The following PRKCG variants were observed in gnomAD, a reference collection of about 807,000 sequenced individuals.
The protein encoded by PRKCG is protein kinase C gamma.
A neutral mutation model predicts 82.0 loss-of-function variants in PRKCG; 28 were observed. That is an observed-to-expected ratio of 0.34 (90% CI 0.25 to 0.47). The LOEUF (loss-of-function observed/expected upper bound fraction) is 0.47. Ranked by LOEUF, PRKCG falls within the 20% of genes least tolerant of loss-of-function variation. The probability of loss-of-function intolerance (pLI) is 1.00; values close to 1 mark genes in which losing one functional copy is unlikely to be tolerated. For missense variants in PRKCG, 640 were observed against 952.7 expected (o/e 0.67, Z 4.32); for synonymous variants, 383 against 376.6 (o/e 1.02, Z -0.20).
Position 53,900,693 on chromosome 19 carries a change from T to C in PRKCG, c.1519T>C (p.Phe507Leu). ...TDFGMCKENV[F>L]PGTTTRTFCG... ...CTTTGGCATGTGTAAGGAGAACGTC[T>C]TCCCCGGGACGACAACCCGCACCTT... is the stretch of plus-strand genomic sequence containing the variant. The change falls in exon 14 of 18, where the codon TTC becomes CTC. Residue 507 changes from phenylalanine (F) to leucine (L), a missense_variant. Physicochemically the swap from Phe to Leu is conservative, Grantham distance 22 (BLOSUM62 0). This residue lies in a region of PRKCG where 198 missense variants were observed against 273.4 expected (regional missense o/e 0.72). Coordinates refer to ENST00000263431, the MANE Select transcript of PRKCG (RefSeq NM_002739.5). This position sits in a 1 kb window ranked among gnomAD's most constrained non-coding sequence, Gnocchi z 4.2. The C allele has an allele frequency of 6.2e-7, 1 of 1,614,216 alleles. No individual in the cohort carries two copies. The highest frequency in any genetic ancestry group is 8.5e-7 in the Non-Finnish European group (1 of 1,180,044).
At chr19:53,888,256 TCAAAC>T (rs1302777730) in intron 3 of PRKCG, among the ~76,000 whole-genome samples, 1 of 152,086 alleles carries the variant, frequency 6.6e-6, no homozygotes. Context: ...AAATATATAT[TCAAAC>T]TAGAAACCCC....
In PRKCG at chr19:53,890,016, T is replaced by C; in HGVS notation, c.528T>C (p.Thr176=). The change falls in exon 5 of 18, where the codon ACT becomes ACC. Residue 176 remains threonine, a splice_region_variant and synonymous_variant. Transcript: ENST00000263431. ...CCACAGCAGATGAGATCCACGTAACTGGTGAGGCCCCGCCCCCTCGCCTGG... is the reference window on the plus strand; with the variant it reads ...CCACAGCAGATGAGATCCACGTAACCGGTGAGGCCCCGCCCCCTCGCCTGG... ...RAPTADEIHV[T]VGEARNLIPM... is the part of the protein sequence containing the mutation. The C allele has an allele frequency of 2.6e-6, 4 of 1,559,822 alleles. No individual in the cohort carries two copies. Among genetic ancestry groups the C allele is most frequent in the Non-Finnish European group, 3.5e-6 (4 of 1,154,962 alleles).
intron 11 of PRKCG, 65 bp downstream of exon 11, chr19:53,898,693 T>C: frequency 2.8e-6 from 4 of 1,422,466 alleles, no homozygotes; most frequent in Non-Finnish European, 3.8e-6. Flanking sequence ...GACATCTGCG[T>C]TGGGATTCTG....
Position 53,907,338 on chromosome 19 carries a change from AG to A in PRKCG, c.*444del, listed in dbSNP as rs1482681705. ...CTCCGAGGCTCCCCGCCTCCACTCT[AG>A]TTCTAGATGAGTGGGAGGCGTGCCC... On this transcript the variant is annotated 3_prime_UTR_variant, in exon 18 of 18. Transcript: ENST00000263431. The A allele has an allele frequency of 3.9e-5, 10 of 253,742 alleles. No individual in the cohort carries two copies. Among genetic ancestry groups the A allele is most frequent in the Non-Finnish European group, 7.1e-5 (9 of 127,324 alleles). The allele number at this position is 253,742 out of a possible 1,614,324, so 15.7% of individuals were successfully genotyped here. A position where few individuals can be genotyped will look rare whatever the true frequency, so the allele number is the denominator to read the frequency against.
At chr19:53,904,886 G>T in intron 16 of PRKCG, 144 bp downstream of exon 16, 1 of 730,464 alleles carries the variant, frequency 1.4e-6, no homozygotes, top group Non-Finnish European at 2.4e-6. Flanking sequence ...CATAGGTTTT[G>T]TTAGAACAAT....
chr19:53,898,188 G>A (rs1009580311), intron 10 of PRKCG, 77 bp downstream of exon 10: 6 of 1,567,570 alleles, frequency 3.8e-6, no homozygotes, highest in Non-Finnish European at 5.2e-6. Flanking sequence ...GGGAGGAAGT[G>A]GGGGTGGGAA....
chr19:53,889,327 G>A lies in PRKCG; in HGVS notation c.286-311G>A, dbSNP rs307947. Reference sequence around the variant, plus strand: ...ATCCCTGCCTCATTTTTTCTCCAGAGCACCCATTACCAACCATCAAACTAT... The same window carrying A: ...ATCCCTGCCTCATTTTTTCTCCAGAACACCCATTACCAACCATCAAACTAT... On this transcript the variant is annotated intron_variant, in intron 3 of 17. Coordinates refer to ENST00000263431, the MANE Select transcript of PRKCG (RefSeq NM_002739.5). This position sits in a 1 kb window ranked among gnomAD's most constrained non-coding sequence, Gnocchi z 4.4. 0.13 allele frequency among the ~76,000 whole-genome samples: 19,263 copies of A among 151,980 alleles called. 2,746 individuals carry two copies. Among genetic ancestry groups the A allele is most frequent in the African/African-American group, 0.35 (14,656 of 41,372 alleles).
Position 53,892,752 on chromosome 19 carries a change from G to GCGCGCACACA in PRKCG, c.821+110_821+111insGCGCACACAC, listed in dbSNP as rs1201671245. The GCGCGCACACA allele has an allele frequency of 3.9e-5, 43 of 1,097,972 alleles. No individual in the cohort carries two copies. The African/African-American group carries it at 4.8e-4, about 12-fold the overall frequency. 68.0% of individuals were successfully genotyped at this position (1,097,972 alleles called of 1,614,324 possible). On this transcript the variant is annotated intron_variant, in intron 7 of 17. Coordinates refer to ENST00000263431, the MANE Select transcript of PRKCG (RefSeq NM_002739.5). This position sits in a 1 kb window ranked among gnomAD's most constrained non-coding sequence, Gnocchi z 5.9. ...TCCTTCCCTCTGCCTCCCAGCATGCGCACACACACACACACACACACACAC... is the reference window on the plus strand; with the variant it reads ...TCCTTCCCTCTGCCTCCCAGCATGCGCGCGCACACACACACACACACACACACACACACAC...
chr19:53,893,413 A>G (rs1298078632), intron 9 of PRKCG, 22 bp downstream of exon 9: 1 of 1,609,714 alleles, frequency 6.2e-7, no homozygotes, highest in Admixed American at 1.7e-5. Flanking sequence ...CAGGGCGTTG[A>G]ATGGAGGCAG....
intron 3 of PRKCG, among the ~76,000 whole-genome samples, chr19:53,888,943 C>T (rs776405576): frequency 2.0e-5 from 3 of 152,026 alleles, no homozygotes; most frequent in Non-Finnish European, 4.4e-5. Flanking sequence ...TCCCCCTGCA[C>T]ACAGTTTTGT....
At chr19:53,903,046 T>C in intron 14 of PRKCG, 27 bp from the exon 15 acceptor site, 1 of 1,588,186 alleles carries the variant, frequency 6.3e-7, no homozygotes, top group Non-Finnish European at 8.6e-7. Context: ...GAACGCATCA[T>C]GATTCCCTGC....
At position 53,882,362 on chromosome 19, in the gene PRKCG, G is replaced by C; in HGVS notation, c.-133G>C. On this transcript the variant is annotated 5_prime_UTR_variant, in exon 1 of 18. Coordinates refer to ENST00000263431, the MANE Select transcript of PRKCG (RefSeq NM_002739.5). The surrounding 1 kb of genome is among the most constrained non-coding windows in gnomAD (Gnocchi z 6.1). ...CCTGGCGCGCTCCGCACCTGGAGGT[G>C]CCTTGCCCCTCTCCTGCCCACCTCG... 1 of 1,354,922 alleles carries C rather than the reference G, an allele frequency of 7.4e-7. No individual in the cohort carries two copies. 83.9% of individuals were successfully genotyped at this position (1,354,922 alleles called of 1,614,324 possible).
Position 53,892,952 on chromosome 19 carries a change from C to T in PRKCG, c.822-36C>T. 3.1e-6 allele frequency: 5 copies of T among 1,594,674 alleles called. No homozygotes were observed. The highest frequency in any genetic ancestry group is 4.3e-6 in the Non-Finnish European group (5 of 1,163,132). On this transcript the variant is annotated intron_variant, in intron 7 of 17. Transcript: ENST00000263431. The surrounding 1 kb of genome is among the most constrained non-coding windows in gnomAD (Gnocchi z 5.9). Reference sequence around the variant, plus strand: ...TTGCCTCTCCCATGGGTGCCCCATCCCCGCTGCCCGCCTCTGGTCTCCGTC... The same window carrying T: ...TTGCCTCTCCCATGGGTGCCCCATCTCCGCTGCCCGCCTCTGGTCTCCGTC...
intron 9 of PRKCG, among the ~76,000 whole-genome samples, chr19:53,895,883 C>T (rs2123004377): frequency 6.6e-6 from 1 of 152,086 alleles, no homozygotes; most frequent in African/African-American, 2.4e-5. Context: ...CACGGTGAAT[C>T]CCCGTCTCTA....
chr19:53,901,922 C>T (rs1183818564), intron 14 of PRKCG, among the ~76,000 whole-genome samples: 1 of 151,308 alleles, frequency 6.6e-6, no homozygotes, highest in Non-Finnish European at 1.5e-5. Flanking sequence ...CAGATGCTGT[C>T]CTATGAGTAT....
intron 9 of PRKCG, among the ~76,000 whole-genome samples, chr19:53,893,908 C>T (rs2068698646): frequency 6.6e-6 from 1 of 151,784 alleles, no homozygotes; most frequent in South Asian, 2.1e-4. Context: ...TGACCGCCAC[C>T]ACACCCAGCT....
rs939107037 is a variant in PRKCG at position 53,890,149 on chromosome 19, T to C, written c.529+132T>C. Reference sequence around the variant, plus strand: ...CCTCTTTCTATGGTCACGCCCACACTCCTGACCCCACCCCAAAGGCCGAGC... The same window carrying C: ...CCTCTTTCTATGGTCACGCCCACACCCCTGACCCCACCCCAAAGGCCGAGC... On this transcript the variant is annotated intron_variant, in intron 5 of 17. Coordinates refer to ENST00000263431, the MANE Select transcript of PRKCG (RefSeq NM_002739.5). The C allele has an allele frequency of 2.1e-5, 21 of 1,006,442 alleles. No homozygotes were observed. In the Middle Eastern group the frequency reaches 2.5e-3, roughly 120 times the overall value. The allele number at this position is 1,006,442 out of a possible 1,614,324, so 62.3% of individuals were successfully genotyped here.
intron 14 of PRKCG, among the ~76,000 whole-genome samples, 183 bp from the exon 15 acceptor site, chr19:53,902,890 C>CAAAAAAA (rs56955659): frequency 5.0e-5 from 1 of 19,976 alleles, no homozygotes; most frequent in African/African-American, 1.4e-4. Flanking sequence ...GAGACCCTGT[C>CAAAAAAA]AAAAAAAAAA....
At position 53,892,456 on chromosome 19, in the gene PRKCG, C is replaced by T. The variant is rs575096328; in HGVS notation, c.687-53C>T. 115 of 1,586,382 alleles carry T rather than the reference C, an allele frequency of 7.2e-5. No homozygotes were observed. The South Asian group carries it at 7.5e-4, about 10-fold the overall frequency. ...ACCTCCAGCACCAAGGATGGGGAACCGAGGGGAGCCATGAGCTCGGCTCTG... is the reference window on the plus strand; with the variant it reads ...ACCTCCAGCACCAAGGATGGGGAACTGAGGGGAGCCATGAGCTCGGCTCTG... On this transcript the variant is annotated intron_variant, in intron 6 of 17. Coordinates refer to ENST00000263431, the MANE Select transcript of PRKCG (RefSeq NM_002739.5). The surrounding 1 kb of genome is among the most constrained non-coding windows in gnomAD (Gnocchi z 5.9).
Sources: allele counts gnomAD v4.1 joint callset (sites outside exome capture counted in the v4.1 genomes callset), GRCh38; gene constraint gnomAD v4.1.1; regional missense constraint gnomAD v4.1.1; non-coding constraint Gnocchi (gnomAD v3.1); transcripts MANE v1.5; gene names NCBI Gene and HGNC (gene_info 2026-07-23, HGNC 2026-07-21).